Variants in FAF1 observed in about 807,000 individuals in gnomAD.
The protein encoded by FAF1 is Fas associated factor 1, also known as FAS-associated factor 1.
In FAF1, 25 loss-of-function variants were observed where a neutral mutation model predicts 92.5. That is an observed-to-expected ratio of 0.27 (90% CI 0.20 to 0.38). The LOEUF is 0.38. FAF1 is among the 10% of genes least tolerant of loss of function. The pLI, the probability that FAF1 is intolerant of heterozygous loss-of-function variation, is 1.00. For synonymous variants in FAF1, 234 were observed against 273.2 expected (o/e 0.86, Z 1.42); for missense variants, 636 against 793.3 (o/e 0.80, Z 2.38).
At position 50,445,062 on chromosome 1, in the gene FAF1, G is replaced by A. The variant is rs1301254049; in HGVS notation, c.1870-3539C>T. Among the ~76,000 whole-genome samples the A allele has an allele frequency of 2.6e-5, 4 of 152,142 alleles. No homozygotes were observed. The East Asian group carries it at 7.7e-4, about 29-fold the overall frequency. On this transcript the variant is annotated intron_variant, in intron 18 of 18. Coordinates refer to ENST00000396153, the MANE Select transcript of FAF1 (RefSeq NM_007051.3). The stretch of plus-strand genomic sequence containing the variant: ...TCCAAGCACTTTAATATAAAAGGTA[G>A]GTTATCTGAGGTAGGGACAATTATT...
chr1:50,475,865 C>T (rs1646634064), intron 17 of FAF1, among the ~76,000 whole-genome samples, 186 bp from the exon 18 acceptor site: 1 of 152,044 alleles, frequency 6.6e-6, no homozygotes, highest in African/African-American at 2.4e-5. Flanking sequence ...TAATATTAGT[C>T]CAATAGGCAA....
chr1:50,884,007 C>A (rs1411079943), intron 1 of FAF1, among the ~76,000 whole-genome samples: 2 of 152,020 alleles, frequency 1.3e-5, no homozygotes, highest in African/African-American at 4.8e-5. Context: ...CACCTCTAAT[C>A]CCAGCTACTC....
At chr1:50,541,981 G>A (rs1402138442) in intron 13 of FAF1, among the ~76,000 whole-genome samples, 1 of 152,236 alleles carries the variant, frequency 6.6e-6, no homozygotes, top group African/African-American at 2.4e-5. Context: ...TGTTTGCGGT[G>A]CAGATCGCAA....
intron 7 of FAF1, among the ~76,000 whole-genome samples, chr1:50,664,559 G>C (rs1655537566): frequency 1.3e-5 from 2 of 148,208 alleles, no homozygotes; most frequent in Admixed American, 1.3e-4. Flanking sequence ...GGGAGGCCAA[G>C]GTGGGTGGAT....
At chr1:50,533,618 T>C (rs945190879) in intron 15 of FAF1, among the ~76,000 whole-genome samples, 6 of 152,188 alleles carry the variant, frequency 3.9e-5, no homozygotes, top group Admixed American at 3.3e-4. Context: ...ATTGTCTATA[T>C]GTTTCACATT....
intron 7 of FAF1, among the ~76,000 whole-genome samples, chr1:50,686,151 G>T (rs1055646484): frequency 6.6e-6 from 1 of 152,132 alleles, no homozygotes; most frequent in African/African-American, 2.4e-5. Context: ...TTATAACCTA[G>T]AAAAATTGCT....
chr1:50,946,569 T>C (rs1251407802), intron 1 of FAF1, among the ~76,000 whole-genome samples: 1 of 152,192 alleles, frequency 6.6e-6, no homozygotes, highest in African/African-American at 2.4e-5. Context: ...TCAACATCCA[T>C]CCTTGCTGCC....
At chr1:50,837,189 C>G (rs368332513) in intron 2 of FAF1, among the ~76,000 whole-genome samples, 1 of 152,040 alleles carries the variant, frequency 6.6e-6, no homozygotes, top group South Asian at 2.1e-4. Flanking sequence ...ATCTCCTGAC[C>G]TCGTGATCTG....
chr1:50,756,461 G>C (rs1660077737), intron 4 of FAF1, among the ~76,000 whole-genome samples: 1 of 150,646 alleles, frequency 6.6e-6, no homozygotes, highest in African/African-American at 2.5e-5. Flanking sequence ...AAGTCTCCAG[G>C]AGGTTCCAAA....
intron 8 of FAF1, among the ~76,000 whole-genome samples, chr1:50,622,503 A>G (rs1000965729): frequency 1.3e-5 from 2 of 152,174 alleles, no homozygotes; most frequent in African/African-American, 4.8e-5. Flanking sequence ...TCCAGGCCGC[A>G]TTTAGTTAGC....
At position 50,578,009 on chromosome 1, in the gene FAF1, C is replaced by T. The variant is rs577711203; in HGVS notation, c.1113+4609G>A. ...CATTAAGATGGATTGAATGTGGCAT[C>T]GTGAGAAACACTTTATCAAATGTAG... On this transcript the variant is annotated intron_variant, in intron 12 of 18. Transcript: ENST00000396153. 1.9e-4 allele frequency among the ~76,000 whole-genome samples: 29 copies of T among 152,282 alleles called. No individual in the cohort carries two copies. In the South Asian group the frequency reaches 6.0e-3, roughly 32 times the overall value.
intron 6 of FAF1, among the ~76,000 whole-genome samples, chr1:50,726,321 C>A (rs1180665349): frequency 6.6e-6 from 1 of 152,104 alleles, no homozygotes; most frequent in Non-Finnish European, 1.5e-5. Flanking sequence ...AGTTCAATAG[C>A]AAGACTCAAT....
chr1:50,720,774 CTCT>C (rs762205734), intron 6 of FAF1, among the ~76,000 whole-genome samples: 36 of 152,124 alleles, frequency 2.4e-4, no homozygotes, highest in Non-Finnish European at 2.9e-4. Context: ...AGATGATCAC[CTCT>C]TCTTCTGAGA....
At chr1:50,457,248 A>G (rs886236530) in intron 18 of FAF1, among the ~76,000 whole-genome samples, 1 of 151,940 alleles carries the variant, frequency 6.6e-6, no homozygotes, top group Non-Finnish European at 1.5e-5. Context: ...TGAAGGCTTG[A>G]GGTCCTGGTT....
rs892464098 is a variant in FAF1 at position 50,865,253 on chromosome 1, G to C, written c.46-7256C>G. ...ACACTGTTGGTGGGACTGTAAACTA[G>C]TTCAACCACTGTGGAAGACAGTGTG... On this transcript the variant is annotated intron_variant, in intron 1 of 18. Coordinates refer to ENST00000396153, the MANE Select transcript of FAF1 (RefSeq NM_007051.3). Among the ~76,000 whole-genome samples the C allele has an allele frequency of 1.4e-4, 22 of 152,238 alleles. No individual in the cohort carries two copies. In the South Asian group the frequency reaches 3.5e-3, roughly 24 times the overall value.
intron 2 of FAF1, among the ~76,000 whole-genome samples, chr1:50,854,665 A>G (rs759053922): frequency 2.5e-4 from 38 of 152,128 alleles, no homozygotes; most frequent in Non-Finnish European, 4.1e-4. Context: ...AGCAGCCCAC[A>G]TAACAAAAAT....
chr1:50,817,489 A>C (rs1210751079), intron 2 of FAF1, among the ~76,000 whole-genome samples: 2 of 152,194 alleles, frequency 1.3e-5, no homozygotes. Context: ...TGGCTATACA[A>C]GTTAATGGGG....
intron 4 of FAF1, among the ~76,000 whole-genome samples, chr1:50,778,937 T>C (rs1661060470): frequency 6.6e-6 from 1 of 152,156 alleles, no homozygotes; most frequent in African/African-American, 2.4e-5. Context: ...TTGATAGTAT[T>C]TTACCCACAC....
At chr1:50,608,622 A>C (rs1015899432) in intron 8 of FAF1, among the ~76,000 whole-genome samples, 1 of 152,178 alleles carries the variant, frequency 6.6e-6, no homozygotes, top group Non-Finnish European at 1.5e-5. Flanking sequence ...TGTCTTACTG[A>C]AGAAGGAGAA....
Sources: gnomAD v4.1 joint callset for allele counts (sites outside exome capture counted in the v4.1 genomes callset) on GRCh38, gnomAD v4.1.1 for gene constraint, MANE v1.5 for transcripts, NCBI Gene and HGNC (gene_info 2026-07-23, HGNC 2026-07-21) for gene names.